AFF2: variants seen among roughly 807,000 people sequenced by gnomAD.
AFF2 encodes ALF transcription elongation factor 2.
In AFF2, 14 loss-of-function variants were observed where a neutral mutation model predicts 76.9. That is an observed-to-expected ratio of 0.18 (90% CI 0.12 to 0.28). AFF2 has a LOEUF of 0.28. Among genes scored for constraint, AFF2 ranks in the 10% least tolerant of loss-of-function variants. The probability of loss-of-function intolerance (pLI) is 1.00; values close to 1 mark genes in which losing one functional copy is unlikely to be tolerated. For synonymous variants in AFF2, 398 were observed against 366.7 expected (o/e 1.09, Z -0.98); for missense variants, 868 against 1,001.1 (o/e 0.87, Z 1.79).
At chrX:148,845,805 G>A (rs2070660113) in intron 7 of AFF2, among the ~76,000 whole-genome samples, 1 of 111,458 alleles carries the variant, frequency 9.0e-6, no homozygotes, top group South Asian at 3.8e-4. Context: ...TAAGTCAGCC[G>A]TGATGCAGGA....
In AFF2 at chrX:148,662,765, T is replaced by A. The variant is rs1216556186; in HGVS notation, c.1038T>A (p.Ser346Arg). The A allele has an allele frequency of 8.3e-7, 1 of 1,202,195 alleles. No homozygotes were observed. Among genetic ancestry groups the A allele is most frequent in the African/African-American group, 1.8e-5 (1 of 56,855 alleles). Reference sequence around the variant, plus strand: ...CAAAGTTCACCATCCTCCAAACAAGTGAAGTAAGTAATTTTTAAAGTTTTG... The same window carrying A: ...CAAAGTTCACCATCCTCCAAACAAGAGAAGTAAGTAATTTTTAAAGTTTTG... ...KLPKFTILQT[S>R]EVSLPSDPSC... is the part of the protein sequence containing the mutation. Residue 346 changes from serine (S) to arginine (R), a missense_variant, in exon 3 of 21, where the codon AGT (serine) becomes AGA (arginine). Physicochemically the swap from Ser to Arg is moderately radical, Grantham distance 110. Transcript: ENST00000370460.
intron 2 of AFF2, among the ~76,000 whole-genome samples, chrX:148,658,713 G>A (rs185176490): frequency 1.7e-4 from 19 of 112,270 alleles, no homozygotes; most frequent in African/African-American, 5.8e-4. Context: ...TGCTTCTTTC[G>A]ATGAAAGATA....
chrX:148,656,506 T>C (rs1557257115), intron 2 of AFF2, among the ~76,000 whole-genome samples: 1 of 96,538 alleles, frequency 1.0e-5, no homozygotes, highest in Non-Finnish European at 2.1e-5. Context: ...TTTTTTTTTT[T>C]TTTTTTTTTT....
intron 1 of AFF2, among the ~76,000 whole-genome samples, chrX:148,563,255 G>A (rs2053133915): frequency 8.9e-6 from 1 of 112,349 alleles, no homozygotes; most frequent in Non-Finnish European, 1.9e-5. Flanking sequence ...TAAGCAATTG[G>A]AATTTCATTC....
chrX:148,599,942 C>T (rs1409717837), intron 1 of AFF2, among the ~76,000 whole-genome samples: 2 of 111,761 alleles, frequency 1.8e-5, no homozygotes, highest in Admixed American at 9.5e-5. Flanking sequence ...TCCCCCATCC[C>T]CCAAAGCAAT....
intron 3 of AFF2, among the ~76,000 whole-genome samples, chrX:148,718,058 T>C (rs1876184131): frequency 9.1e-6 from 1 of 109,719 alleles, no homozygotes; most frequent in African/African-American, 3.3e-5. Context: ...CATCTTTCAG[T>C]AACACTTTAT....
intron 9 of AFF2, among the ~76,000 whole-genome samples, chrX:148,939,374 C>A (rs782257459): frequency 1.9e-4 from 21 of 111,551 alleles, no homozygotes; most frequent in African/African-American, 6.8e-4. Flanking sequence ...AGAAAAATAA[C>A]GACCATTTCA....
At chrX:148,664,731 T>G (rs2054341488) in intron 3 of AFF2, among the ~76,000 whole-genome samples, 2 of 112,744 alleles carry the variant, frequency 1.8e-5, no homozygotes, top group Admixed American at 1.9e-4. Context: ...GTTTGTTGAA[T>G]GAATGAATTT....
intron 9 of AFF2, among the ~76,000 whole-genome samples, chrX:148,920,300 C>T (rs2071578519): frequency 9.0e-6 from 1 of 111,715 alleles, no homozygotes; most frequent in Admixed American, 9.5e-5. Context: ...GACTGCAAAC[C>T]ATCATGTTAG....
chrX:148,585,766 G>A (rs782747119), intron 1 of AFF2, among the ~76,000 whole-genome samples: 1 of 106,968 alleles, frequency 9.3e-6, no homozygotes, highest in African/African-American at 3.4e-5. Flanking sequence ...GTGTGAACCC[G>A]GCAAGTGGAG....
intron 16 of AFF2, among the ~76,000 whole-genome samples, chrX:148,976,044 G>T: frequency 9.5e-6 from 1 of 105,634 alleles, no homozygotes; most frequent in Non-Finnish European, 2.0e-5. Flanking sequence ...AATTATTCAC[G>T]AAAAAGTTAT....
At chrX:148,824,660 T>G (rs904803759) in intron 4 of AFF2, among the ~76,000 whole-genome samples, 1 of 112,092 alleles carries the variant, frequency 8.9e-6, no homozygotes, top group Non-Finnish European at 1.9e-5. Flanking sequence ...ATCGGCTTAT[T>G]TTTACTGACT....
intron 3 of AFF2, among the ~76,000 whole-genome samples, chrX:148,700,778 T>C (rs1603280245): frequency 9.0e-6 from 1 of 111,136 alleles, no homozygotes; most frequent in East Asian, 2.8e-4. Context: ...ATATTATATG[T>C]ATTTAGCCCT....
intron 3 of AFF2, among the ~76,000 whole-genome samples, chrX:148,670,161 G>T (rs2054406438): frequency 8.9e-6 from 1 of 111,856 alleles, no homozygotes; most frequent in Non-Finnish European, 1.9e-5. Context: ...AATACAAATA[G>T]AATACCTGGC....
At chrX:148,729,870 T>C (rs983607341) in intron 3 of AFF2, among the ~76,000 whole-genome samples, 1 of 111,872 alleles carries the variant, frequency 8.9e-6, no homozygotes, top group African/African-American at 3.2e-5. Flanking sequence ...TCACCGCCAC[T>C]GTATAGTTTG....
At chrX:148,960,958 G>T (rs1557287942) in intron 12 of AFF2, among the ~76,000 whole-genome samples, 1 of 111,969 alleles carries the variant, frequency 8.9e-6, no homozygotes, top group African/African-American at 3.2e-5. Context: ...CTCCCTAGGT[G>T]TCTTTCACCA....
At chrX:148,829,865 G>A (rs2070432364) in intron 4 of AFF2, among the ~76,000 whole-genome samples, 1 of 111,557 alleles carries the variant, frequency 9.0e-6, no homozygotes, top group South Asian at 3.8e-4. Flanking sequence ...AGCTAAAATT[G>A]GTCCCCTGAT....
At chrX:148,670,061 C>T (rs2054405264) in intron 3 of AFF2, among the ~76,000 whole-genome samples, 1 of 111,853 alleles carries the variant, frequency 8.9e-6, no homozygotes, top group Non-Finnish European at 1.9e-5. Flanking sequence ...TATCATATTC[C>T]TCCTAACTTT....
chrX:148,883,827 T>G (rs2071124879), intron 7 of AFF2, among the ~76,000 whole-genome samples: 1 of 111,306 alleles, frequency 9.0e-6, no homozygotes, highest in Non-Finnish European at 1.9e-5. Context: ...CATAGAAGTA[T>G]TGTGAGGACC....
Sources: allele counts gnomAD v4.1 joint callset (sites outside exome capture counted in the v4.1 genomes callset), GRCh38; gene constraint gnomAD v4.1.1; transcripts MANE v1.5; gene names NCBI Gene and HGNC (gene_info 2026-07-23, HGNC 2026-07-21).